SYCE2: variants seen among roughly 807,000 people sequenced by gnomAD.
SYCE2 encodes the protein synaptonemal complex central element protein 2.
SYCE2 carries 3 observed loss-of-function variants against 27.9 expected under a neutral mutation model. The observed-to-expected ratio is 0.11, with a 90% CI of 0.05 to 0.28. SYCE2 has a LOEUF of 0.28. Ranked by LOEUF, SYCE2 falls within the 10% of genes least tolerant of loss-of-function variation. The pLI, the probability that SYCE2 is intolerant of heterozygous loss-of-function variation, is 1.00. For missense variants in SYCE2, 207 were observed against 263.5 expected (o/e 0.79, Z 1.48); for synonymous variants, 85 against 100.7 (o/e 0.84, Z 0.93).
chr19:12,919,250 C>A lies in SYCE2; in HGVS notation c.8G>T (p.Arg3Leu), dbSNP rs1474238023. 2.5e-6 allele frequency: 4 copies of A among 1,611,128 alleles called. No homozygotes were observed. Among genetic ancestry groups the A allele is most frequent in the African/African-American group, 1.3e-5 (1 of 74,950 alleles). ...GAAACAAGCGCCGCGTACTCCCTGT[C>A]GCTCCATTCCGTATTTTCCCGCCTT... ME[R>L]QGVDVPHVKC... The change falls in exon 1 of 6, where the codon CGA (arginine) becomes CTA (leucine). Residue 3 changes from arginine (R) to leucine (L), a missense_variant. Physicochemically the swap from Arg to Leu is moderately radical, Grantham distance 102 (BLOSUM62 -2). Coordinates refer to ENST00000293695, the MANE Select transcript of SYCE2 (RefSeq NM_001105578.2).
Position 12,900,010 on chromosome 19 carries a change from A to G in SYCE2, c.606T>C (p.Thr202=). 1 of 1,613,234 alleles carries G rather than the reference A, an allele frequency of 6.2e-7. No homozygotes were observed. The highest frequency in any genetic ancestry group is 1.1e-5 in the South Asian group (1 of 91,030). ...DVFVSSVAET[T]SQATASEVQT... ...CCGGTTTACTGGTAACCACCTGAGAAGTAGTTTCAGCCACAGAAGAAACGA... is the reference window on the plus strand; with the variant it reads ...CCGGTTTACTGGTAACCACCTGAGAGGTAGTTTCAGCCACAGAAGAAACGA... Residue 202 remains threonine (T), a synonymous_variant, in exon 5 of 6, where the codon ACT becomes ACC. Transcript: ENST00000293695.
At chr19:12,900,763 G>C (rs762996762) in intron 3 of SYCE2, 115 bp from the exon 4 acceptor site, 3 of 1,048,988 alleles carry the variant, frequency 2.9e-6, no homozygotes, top group Admixed American at 2.2e-5. Flanking sequence ...GACAAAATAG[G>C]CTGGGCACGG....
intron 2 of SYCE2, among the ~76,000 whole-genome samples, chr19:12,909,669 C>T (rs527690189): frequency 6.6e-6 from 1 of 152,034 alleles, no homozygotes. Context: ...CGGGTTCAAG[C>T]GATTCTCTTG....
At position 12,899,583 on chromosome 19, in the gene SYCE2, G is replaced by A. The variant is rs750031746; in HGVS notation, c.613-198C>T. Reference sequence around the variant, plus strand: ...CCCGAAACTCTCAAGCCCCTTTCTGGAGAGATGCCTGGCTGGACCGTAGGA... The same window carrying A: ...CCCGAAACTCTCAAGCCCCTTTCTGAAGAGATGCCTGGCTGGACCGTAGGA... On this transcript the variant is annotated intron_variant, in intron 5 of 5. Transcript: ENST00000293695. The A allele has an allele frequency of 5.0e-6, 8 of 1,613,986 alleles. No individual in the cohort carries two copies. The East Asian group carries it at 1.8e-4, about 36-fold the overall frequency.
rs952572363 is a variant in SYCE2 at position 12,899,384 on chromosome 19, G to A, written c.614C>T (p.Ala205Val). ...VSSVAETTSQ[A>V]TASEVQTNRD... is the part of the protein sequence containing the mutation. ...GTTGGTCTGTACTTCTGAAGCAGTGGCCTGGGGATACATGAAAATTGATTT... is the reference window on the plus strand; with the variant it reads ...GTTGGTCTGTACTTCTGAAGCAGTGACCTGGGGATACATGAAAATTGATTT... The change falls in exon 6 of 6, where the codon GCC (alanine) becomes GTC (valine). Residue 205 changes from alanine to valine, a missense_variant and splice_region_variant. Coordinates refer to ENST00000293695, the MANE Select transcript of SYCE2 (RefSeq NM_001105578.2). 6.2e-7 allele frequency: 1 copy of A among 1,614,020 alleles called. No individual in the cohort carries two copies. The highest frequency in any genetic ancestry group is 1.3e-5 in the African/African-American group (1 of 74,908).
Position 12,899,359 on chromosome 19 carries a change from G to C in SYCE2, c.639C>G (p.Asn213Lys), listed in dbSNP as rs559779791. The C allele has an allele frequency of 1.6e-5, 26 of 1,614,092 alleles. No individual in the cohort carries two copies. The East Asian group carries it at 5.6e-4, about 35-fold the overall frequency. Residue 213 changes from asparagine to lysine, a missense_variant, in exon 6 of 6, where the codon AAC becomes AAG. Asn to Lys is a moderately conservative substitution (Grantham distance 94). Transcript: ENST00000293695. ...SQATASEVQTNRDGEC is the reference protein window; with the variant it reads ...SQATASEVQTKRDGEC ...GCAGCTGTCAGCATTCACCATCTCT[G>C]TTGGTCTGTACTTCTGAAGCAGTGG...
chr19:12,906,705 G>C (rs1422054619), intron 2 of SYCE2, among the ~76,000 whole-genome samples: 1 of 151,876 alleles, frequency 6.6e-6, no homozygotes, highest in Non-Finnish European at 1.5e-5. Flanking sequence ...GCAGGAGTTC[G>C]AGACCAGCCT....
rs1474265419 is a variant in SYCE2 at position 12,900,094 on chromosome 19, T to C, written c.522A>G (p.Pro174=). ...GTGGGGACTTTCCCCTAGAGTGGTC[T>C]GGCCCCCATCTGAGTCTTAGGCTCT... is the stretch of plus-strand genomic sequence containing the variant. ...PEQSLRLRWG[P]DHSRGKSPPR... Residue 174 remains proline, a synonymous_variant, in exon 5 of 6, where the codon CCA becomes CCG. Transcript: ENST00000293695. 3 of 1,613,046 alleles carry C rather than the reference T, an allele frequency of 1.9e-6. No individual in the cohort carries two copies. The highest frequency in any genetic ancestry group is 1.7e-6 in the Non-Finnish European group (2 of 1,179,832).
chr19:12,901,638 G>A (rs750100706), intron 3 of SYCE2, among the ~76,000 whole-genome samples: 33 of 152,014 alleles, frequency 2.2e-4, no homozygotes, highest in Middle Eastern at 3.4e-3. Context: ...TTCTTGCGGC[G>A]GAGTTTCGCT....
In SYCE2 at chr19:12,900,557, G is replaced by A. The variant is rs766810813; in HGVS notation, c.398C>T (p.Thr133Ile). Residue 133 changes from threonine to isoleucine, a missense_variant, in exon 4 of 6, where the codon ACC (threonine) becomes ATC (isoleucine). By Grantham distance (89) the Thr-to-Ile change is moderately conservative (BLOSUM62 -1). Coordinates refer to ENST00000293695, the MANE Select transcript of SYCE2 (RefSeq NM_001105578.2). ...KIIQEKLQEFTQKMAKISHLE... is the reference protein window; with the variant it reads ...KIIQEKLQEFIQKMAKISHLE... ...ATGGCTGATCTTTGCCATTTTCTGG[G>A]TGAACTCTTGGAGCTTTTCCTGGAT... The A allele has an allele frequency of 6.2e-7, 1 of 1,614,086 alleles. No individual in the cohort carries two copies. Among genetic ancestry groups the A allele is most frequent in the Non-Finnish European group, 8.5e-7 (1 of 1,180,026 alleles).
intron 2 of SYCE2, chr19:12,904,882 G>A: frequency 2.3e-6 from 1 of 441,526 alleles, no homozygotes. Context: ...GCACGTGCCT[G>A]TAGTCCCAGC....
At chr19:12,907,292 G>C (rs1970951720) in intron 2 of SYCE2, among the ~76,000 whole-genome samples, 1 of 152,190 alleles carries the variant, frequency 6.6e-6, no homozygotes, top group Admixed American at 6.5e-5. Context: ...GCTGGGCTTT[G>C]TACCCAGAAG....
At chr19:12,911,615 CTT>C (rs71168633) in intron 2 of SYCE2, among the ~76,000 whole-genome samples, 1 of 103,740 alleles carries the variant, frequency 9.6e-6, no homozygotes, top group Non-Finnish European at 1.8e-5. Context: ...TAATTTTTGC[CTT>C]TTTTTTTTTT....
intron 2 of SYCE2, among the ~76,000 whole-genome samples, chr19:12,912,794 C>T (rs1298188096): frequency 6.6e-6 from 1 of 151,572 alleles, no homozygotes; most frequent in Non-Finnish European, 1.5e-5. Flanking sequence ...AAAAAAAAAT[C>T]ACTTGAATTC....
intron 2 of SYCE2, 152 bp from the exon 3 acceptor site, chr19:12,904,818 T>C (rs1970902876): frequency 2.5e-6 from 2 of 813,082 alleles, no homozygotes. Flanking sequence ...GGCAACATGG[T>C]GAAACCTCGT....
rs574152133 is a variant in SYCE2 at position 12,909,257 on chromosome 19, T to A, written c.132-4591A>T. 6.6e-5 allele frequency among the ~76,000 whole-genome samples: 10 copies of A among 152,242 alleles called. No homozygotes were observed. The South Asian group carries it at 2.1e-3, about 32-fold the overall frequency. ...TATCCATTACCATCCACACTTTGGATTCTATCATCTAAATTCTATCATCCC... is the reference window on the plus strand; with the variant it reads ...TATCCATTACCATCCACACTTTGGAATCTATCATCTAAATTCTATCATCCC... On this transcript the variant is annotated intron_variant, in intron 2 of 5. Coordinates refer to ENST00000293695, the MANE Select transcript of SYCE2 (RefSeq NM_001105578.2).
chr19:12,905,573 C>T (rs1487295270), intron 2 of SYCE2, among the ~76,000 whole-genome samples: 2 of 152,102 alleles, frequency 1.3e-5, no homozygotes, highest in Admixed American at 6.5e-5. Context: ...CCTCGTGATC[C>T]GCCCGCCTCA....
intron 3 of SYCE2, among the ~76,000 whole-genome samples, chr19:12,901,994 A>G (rs1197071309): frequency 1.3e-5 from 2 of 152,220 alleles, no homozygotes; most frequent in Admixed American, 6.5e-5. Flanking sequence ...CAGACTGTAT[A>G]TACAATGATG....
chr19:12,909,410 T>C (rs1409672272), intron 2 of SYCE2, among the ~76,000 whole-genome samples: 1 of 152,102 alleles, frequency 6.6e-6, no homozygotes, highest in Non-Finnish European at 1.5e-5. Context: ...GGCAACCCGA[T>C]TTCATCTTCC....
Sources: gnomAD v4.1 joint callset for allele counts (sites outside exome capture counted in the v4.1 genomes callset) on GRCh38, gnomAD v4.1.1 for gene constraint, MANE v1.5 for transcripts, NCBI Gene and HGNC (gene_info 2026-07-23, HGNC 2026-07-21) for gene names.